The following UBAC2 variants were observed in gnomAD, a reference collection of about 807,000 sequenced individuals.
UBAC2 encodes the protein UBA domain containing 2, also known as ubiquitin-associated domain-containing protein 2.
A neutral mutation model predicts 44.0 loss-of-function variants in UBAC2; 26 were observed. The observed-to-expected ratio is 0.59, with a 90% CI of 0.43 to 0.82. UBAC2 has a LOEUF of 0.82. UBAC2 is among the 40% of genes least tolerant of loss of function. The pLI, the probability that UBAC2 is intolerant of heterozygous loss-of-function variation, is 0.00. For missense variants in UBAC2, 329 were observed against 419.4 expected, an observed-to-expected ratio of 0.78 and a Z score of 1.88; for synonymous variants, 155 against 154.3, an observed-to-expected ratio of 1.00 and a Z score of -0.04.
intron 1 of UBAC2, among the ~76,000 whole-genome samples, chr13:99,233,546 A>G (rs1336416449): frequency 1.3e-5 from 2 of 152,172 alleles, no homozygotes; most frequent in African/African-American, 2.4e-5. Flanking sequence ...CAGCCAGAGC[A>G]GGCGTTGAGG....
intron 4 of UBAC2, among the ~76,000 whole-genome samples, chr13:99,270,383 G>A (rs1438085993): frequency 6.6e-6 from 1 of 152,146 alleles, no homozygotes; most frequent in Non-Finnish European, 1.5e-5. Context: ...GTATGTAAAT[G>A]TTAATAAGAA....
intron 1 of UBAC2, among the ~76,000 whole-genome samples, chr13:99,238,152 G>A (rs1393421380): frequency 6.6e-6 from 1 of 152,158 alleles, no homozygotes; most frequent in Non-Finnish European, 1.5e-5. Context: ...TTTCTGAAAG[G>A]TGTTCTATGG....
rs1441295320 is a variant in UBAC2 at position 99,386,176 on chromosome 13, C to G, written c.*841C>G. 2.0e-5 allele frequency: 3 copies of G among 152,264 alleles called. No individual in the cohort carries two copies. Among genetic ancestry groups the G allele is most frequent in the Non-Finnish European group, 4.4e-5 (3 of 68,092 alleles). 9.4% of individuals were successfully genotyped at this position (152,264 alleles called of 1,614,324 possible). A position where few individuals can be genotyped will look rare whatever the true frequency, so the allele number is the denominator to read the frequency against. On this transcript the variant is annotated 3_prime_UTR_variant, in exon 9 of 9. Transcript: ENST00000403766. The stretch of plus-strand genomic sequence containing the variant: ...GCCCTCCTGGCTCGCAGCCAGCCAG[C>G]CCCCTGGCAGCAGGTTCTCCTCAGG...
intron 8 of UBAC2, among the ~76,000 whole-genome samples, chr13:99,373,836 C>T (rs1031433159): frequency 2.0e-5 from 3 of 152,112 alleles, no homozygotes; most frequent in Admixed American, 2.0e-4. Flanking sequence ...ACCAAGGAAC[C>T]ATGCGGGATC....
Position 99,366,430 on chromosome 13 carries a change from C to A in UBAC2, c.808-1357C>A, listed in dbSNP as rs114175883. Among the ~76,000 whole-genome samples the A allele has an allele frequency of 7.2e-3, 1,104 of 152,298 alleles. 18 individuals carry two copies. The highest frequency in any genetic ancestry group is 0.025 in the African/African-American group (1,041 of 41,562). Reference sequence around the variant, plus strand: ...AGAATATCTCTCCAGAGTAATTTTACATTTGCTTTTGCTTGGCTCCTTCGA... The same window carrying A: ...AGAATATCTCTCCAGAGTAATTTTAAATTTGCTTTTGCTTGGCTCCTTCGA... On this transcript the variant is annotated intron_variant, in intron 7 of 8. Transcript: ENST00000403766.
intron 8 of UBAC2, among the ~76,000 whole-genome samples, chr13:99,368,816 A>G (rs1259927296): frequency 6.6e-6 from 1 of 151,962 alleles, no homozygotes; most frequent in African/African-American, 2.4e-5. Flanking sequence ...TGGTTTCTAA[A>G]CACTCCTCCC....
chr13:99,244,430 C>A (rs2043356784), intron 3 of UBAC2, 85 bp from the exon 4 acceptor site: 2 of 907,294 alleles, frequency 2.2e-6, no homozygotes, highest in Non-Finnish European at 3.6e-6. Context: ...TGAATACACA[C>A]CTCTGAGCTG....
At chr13:99,221,060 C>T (rs959353332) in intron 1 of UBAC2, among the ~76,000 whole-genome samples, 1 of 152,088 alleles carries the variant, frequency 6.6e-6, no homozygotes, top group South Asian at 2.1e-4. Context: ...TTTCTACAAC[C>T]TATTGCTTAA....
intron 7 of UBAC2, among the ~76,000 whole-genome samples, chr13:99,364,565 G>A (rs2045306526): frequency 1.3e-5 from 2 of 151,936 alleles, no homozygotes; most frequent in Non-Finnish European, 1.5e-5. Context: ...CTGTACTCTA[G>A]AGCAGTTTAT....
chr13:99,356,643 A>G (rs982681487), intron 7 of UBAC2, among the ~76,000 whole-genome samples: 5 of 152,182 alleles, frequency 3.3e-5, no homozygotes, highest in African/African-American at 9.7e-5. Flanking sequence ...ATTTTTTCCA[A>G]TACCTACTGA....
intron 1 of UBAC2, among the ~76,000 whole-genome samples, chr13:99,201,948 C>T (rs2042807226): frequency 1.3e-5 from 2 of 151,832 alleles, no homozygotes. Flanking sequence ...TGGCGGGTGC[C>T]TGTATTCCCA....
rs1279234370 is a variant in UBAC2, at chr13:99,385,771, G to A, written c.*436G>A. 2.4e-5 allele frequency: 4 copies of A among 163,772 alleles called. No individual in the cohort carries two copies. In the East Asian group the frequency reaches 5.0e-4, roughly 20 times the overall value. The allele number at this position is 163,772 out of a possible 1,614,324, so 10.1% of individuals were successfully genotyped here. A position where few individuals can be genotyped will look rare whatever the true frequency, so the allele number is the denominator to read the frequency against. On this transcript the variant is annotated 3_prime_UTR_variant, in exon 9 of 9. Transcript: ENST00000403766. ...AGATCCTTCTTCATGGACTTTTTTA[G>A]TTACTGTTTTTTCTCTCAAACTTGT...
intron 1 of UBAC2, among the ~76,000 whole-genome samples, chr13:99,229,856 G>A (rs1463022484): frequency 2.0e-5 from 3 of 152,170 alleles, no homozygotes; most frequent in Admixed American, 6.5e-5. Context: ...AAACTTCAGC[G>A]ACATTGAGAA....
At chr13:99,214,995 T>TC (rs2042975461) in intron 1 of UBAC2, among the ~76,000 whole-genome samples, 1 of 152,000 alleles carries the variant, frequency 6.6e-6, no homozygotes, top group African/African-American at 2.4e-5. Context: ...TTGTTTTTTT[T>TC]TTTTCTTGGG....
intron 8 of UBAC2, among the ~76,000 whole-genome samples, chr13:99,383,562 A>AG (rs2045578690): frequency 6.6e-6 from 1 of 152,238 alleles, no homozygotes; most frequent in Admixed American, 6.5e-5. Flanking sequence ...GCTCCAGGAC[A>AG]GCCCTCCCCA....
At chr13:99,304,533 G>C (rs1035149440) in intron 4 of UBAC2, among the ~76,000 whole-genome samples, 1 of 152,140 alleles carries the variant, frequency 6.6e-6, no homozygotes, top group Non-Finnish European at 1.5e-5. Flanking sequence ...ATACCCATTA[G>C]TTAAAGAATA....
chr13:99,280,353 T>G (rs1430999319), intron 4 of UBAC2, among the ~76,000 whole-genome samples: 1 of 152,196 alleles, frequency 6.6e-6, no homozygotes, highest in Non-Finnish European at 1.5e-5. Flanking sequence ...ATTACAGATT[T>G]CTCTGGATTC....
intron 7 of UBAC2, among the ~76,000 whole-genome samples, chr13:99,365,227 G>A (rs964591080): frequency 1.3e-5 from 2 of 151,998 alleles, no homozygotes; most frequent in African/African-American, 4.8e-5. Context: ...TGCCAGGTTT[G>A]CCTATTTTAT....
intron 7 of UBAC2, among the ~76,000 whole-genome samples, chr13:99,366,590 T>G (rs528647725): frequency 2.4e-4 from 37 of 151,816 alleles, no homozygotes; most frequent in Non-Finnish European, 4.6e-4. Context: ...GGACCAAGAT[T>G]CCTGCTGTCT....
Sources: allele counts gnomAD v4.1 joint callset (sites outside exome capture counted in the v4.1 genomes callset), GRCh38; gene constraint gnomAD v4.1.1; transcripts MANE v1.5; gene names NCBI Gene and HGNC (gene_info 2026-07-23, HGNC 2026-07-21).